The following PPP3CC variants were observed in gnomAD, a reference collection of about 807,000 sequenced individuals.
PPP3CC encodes the protein serine/threonine-protein phosphatase 2B catalytic subunit gamma isoform.
A neutral mutation model predicts 60.3 loss-of-function variants in PPP3CC; 35 were observed. The observed-to-expected ratio is 0.58, with a 90% CI of 0.44 to 0.77. PPP3CC has a LOEUF of 0.77. Among genes scored for constraint, PPP3CC ranks in the 30% least tolerant of loss-of-function variants. PPP3CC has a pLI of 0.00. For missense variants in PPP3CC, 570 were observed against 628.9 expected, an observed-to-expected ratio of 0.91 and a Z score of 1.00; for synonymous variants, 206 against 224.3, an observed-to-expected ratio of 0.92 and a Z score of 0.73.
At chr8:22,456,533 C>T (rs116745029) in intron 1 of PPP3CC, among the ~76,000 whole-genome samples, 285 of 152,306 alleles carry the variant, frequency 1.9e-3, no homozygotes, top group African/African-American at 6.4e-3. Context: ...GTATCCCACA[C>T]CACCACACAC....
chr8:22,465,628 A>T (rs1436740282), intron 1 of PPP3CC, among the ~76,000 whole-genome samples: 1 of 152,136 alleles, frequency 6.6e-6, no homozygotes, highest in African/African-American at 2.4e-5. Context: ...CTATGGGATG[A>T]TGCAGCAAGA....
At chr8:22,442,737 C>T (rs1836708377) in intron 1 of PPP3CC, among the ~76,000 whole-genome samples, 1 of 152,064 alleles carries the variant, frequency 6.6e-6, no homozygotes, top group Non-Finnish European at 1.5e-5. Context: ...AGTATATAGC[C>T]CTCTCTTAAG....
At chr8:22,475,422 A>ACTGTGATC (rs1837856922) in intron 2 of PPP3CC, 78 bp from the exon 3 acceptor site, 3 of 1,450,354 alleles carry the variant, frequency 2.1e-6, no homozygotes, top group Non-Finnish European at 1.9e-6. Context: ...TAGAAGTTAA[A>ACTGTGATC]CTGTGATCCC....
At chr8:22,446,614 C>T (rs1372259854) in intron 1 of PPP3CC, among the ~76,000 whole-genome samples, 4 of 151,768 alleles carry the variant, frequency 2.6e-5, no homozygotes, top group East Asian at 3.9e-4. Context: ...ACCTGAGGTC[C>T]GGCCAACGTG....
chr8:22,540,904 G>A lies in PPP3CC; in HGVS notation c.*102G>A. 9.5e-7 allele frequency: 1 copy of A among 1,058,144 alleles called. No individual in the cohort carries two copies. The highest frequency in any genetic ancestry group is 1.3e-6 in the Non-Finnish European group (1 of 785,214). 65.5% of individuals were successfully genotyped at this position (1,058,144 alleles called of 1,614,324 possible). A position where few individuals can be genotyped will look rare whatever the true frequency, so the allele number is the denominator to read the frequency against. On this transcript the variant is annotated 3_prime_UTR_variant, in exon 14 of 14. Coordinates refer to ENST00000240139, the MANE Select transcript of PPP3CC (RefSeq NM_005605.5). ...AGCAACTCAAAACAACTTCAACGTG[G>A]AGGTGCATTTATAATTCAGTCTGCA...
At chr8:22,529,850 A>G (rs1246782840) in intron 10 of PPP3CC, among the ~76,000 whole-genome samples, 1 of 152,078 alleles carries the variant, frequency 6.6e-6, no homozygotes, top group East Asian at 1.9e-4. Context: ...TTTATTATAT[A>G]TGTAGCCAAG....
chr8:22,471,233 C>G (rs1837710564), intron 1 of PPP3CC, among the ~76,000 whole-genome samples: 1 of 150,928 alleles, frequency 6.6e-6, no homozygotes, highest in Admixed American at 6.6e-5. Context: ...AAAATGCTAA[C>G]TTTTATCTAC....
chr8:22,483,849 A>T (rs555798497), intron 3 of PPP3CC, among the ~76,000 whole-genome samples: 67 of 151,914 alleles, frequency 4.4e-4, no homozygotes, highest in Middle Eastern at 6.8e-3. Flanking sequence ...ATTAAAAAAA[A>T]TTTTTTTAAG....
chr8:22,523,939 G>A (rs1461971685), intron 8 of PPP3CC, among the ~76,000 whole-genome samples: 1 of 152,180 alleles, frequency 6.6e-6, no homozygotes, highest in East Asian at 1.9e-4. Context: ...AAGGCAACAA[G>A]TTGTGCTGAA....
intron 3 of PPP3CC, among the ~76,000 whole-genome samples, chr8:22,491,596 A>T (rs1469158039): frequency 6.6e-6 from 1 of 152,202 alleles, no homozygotes; most frequent in Non-Finnish European, 1.5e-5. Context: ...GTGCTGCTTT[A>T]TCTGAGTCCC....
At chr8:22,533,564 C>G (rs1465400515) in intron 12 of PPP3CC, among the ~76,000 whole-genome samples, 1 of 152,246 alleles carries the variant, frequency 6.6e-6, no homozygotes, top group Admixed American at 6.5e-5. Flanking sequence ...GTGGCTCACG[C>G]CTGTAATCCC....
chr8:22,537,182 C>A (rs896388962), intron 12 of PPP3CC, among the ~76,000 whole-genome samples: 2 of 152,160 alleles, frequency 1.3e-5, no homozygotes, highest in Non-Finnish European at 2.9e-5. Flanking sequence ...CATATATCTC[C>A]TAAGAGATTG....
chr8:22,519,647 T>C (rs1463720752), intron 6 of PPP3CC, among the ~76,000 whole-genome samples: 2 of 152,178 alleles, frequency 1.3e-5, no homozygotes, highest in African/African-American at 2.4e-5. Context: ...CCTAATGTAA[T>C]TAATTTCAGG....
intron 4 of PPP3CC, among the ~76,000 whole-genome samples, chr8:22,507,453 C>G (rs1297104391): frequency 1.3e-5 from 2 of 152,138 alleles, no homozygotes; most frequent in Non-Finnish European, 2.9e-5. Context: ...TTCTCCTATT[C>G]AAAATCTTAT....
chr8:22,527,314 G>T (rs1395682417), intron 8 of PPP3CC, 78 bp from the exon 9 acceptor site: 14 of 1,481,334 alleles, frequency 9.5e-6, no homozygotes, highest in Non-Finnish European at 1.3e-5. Flanking sequence ...TGTGTAGCAG[G>T]TACACAGCTG....
intron 1 of PPP3CC, among the ~76,000 whole-genome samples, chr8:22,459,249 T>A (rs1036236410): frequency 6.6e-6 from 1 of 152,210 alleles, no homozygotes; most frequent in African/African-American, 2.4e-5. Context: ...ATTTTAGTGA[T>A]TTGTTATTTT....
At chr8:22,499,677 T>C (rs1398177534) in intron 4 of PPP3CC, among the ~76,000 whole-genome samples, 7 of 152,228 alleles carry the variant, frequency 4.6e-5, no homozygotes. Context: ...GCTGACTATG[T>C]TGGGGATGTT....
chr8:22,450,958 C>T (rs1837001796), intron 1 of PPP3CC, among the ~76,000 whole-genome samples: 1 of 150,862 alleles, frequency 6.6e-6, no homozygotes, highest in South Asian at 2.1e-4. Flanking sequence ...CCTCAGCCTC[C>T]TGAGTAGCTG....
At position 22,503,418 on chromosome 8, in the gene PPP3CC, G is replaced by T. The variant is rs561920247; in HGVS notation, c.484+5306G>T. 3.3e-5 allele frequency among the ~76,000 whole-genome samples: 5 copies of T among 152,284 alleles called. No individual in the cohort carries two copies. The East Asian group carries it at 9.6e-4, about 29-fold the overall frequency. ...TAAAAGCTAATTTTATGAATTAGGA[G>T]TAGATACGTAGTGAAGAAAGCTGCC... On this transcript the variant is annotated intron_variant, in intron 4 of 13. Transcript: ENST00000240139.
Sources: allele counts gnomAD v4.1 joint callset (sites outside exome capture counted in the v4.1 genomes callset), GRCh38; gene constraint gnomAD v4.1.1; transcripts MANE v1.5; gene names NCBI Gene and HGNC (gene_info 2026-07-23, HGNC 2026-07-21).